The following GABRB1 variants were observed in gnomAD, a reference collection of about 807,000 sequenced individuals.
GABRB1 encodes gamma-aminobutyric acid type A receptor subunit beta1.
GABRB1 carries 17 observed loss-of-function variants against 51.6 expected under a neutral mutation model. That is an observed-to-expected ratio of 0.33 (90% CI 0.23 to 0.49). The LOEUF is 0.49. Among genes scored for constraint, GABRB1 ranks in the 20% least tolerant of loss-of-function variants. GABRB1 has a pLI of 0.99. For missense variants in GABRB1, 410 were observed against 600.6 expected (o/e 0.68, Z 3.32); for synonymous variants, 247 against 218.9 (o/e 1.13, Z -1.14).
intron 8 of GABRB1, among the ~76,000 whole-genome samples, chr4:47,424,023 C>A (rs1200756352): frequency 4.6e-5 from 7 of 152,072 alleles, no homozygotes; most frequent in Admixed American, 4.6e-4. Flanking sequence ...ATGTGGGTAG[C>A]CCAATTAGAC....
intron 3 of GABRB1, among the ~76,000 whole-genome samples, chr4:47,138,362 C>G (rs1377035738): frequency 1.3e-5 from 2 of 151,942 alleles, no homozygotes; most frequent in Non-Finnish European, 2.9e-5. Flanking sequence ...GGTATTTGTC[C>G]AGAACCCCTT....
intron 4 of GABRB1, among the ~76,000 whole-genome samples, chr4:47,307,406 T>G (rs1724510899): frequency 6.6e-6 from 1 of 152,038 alleles, no homozygotes; most frequent in Non-Finnish European, 1.5e-5. Flanking sequence ...TCTGGAGTGC[T>G]CAATTATTAA....
chr4:47,363,698 G>A (rs1340584167), intron 5 of GABRB1, among the ~76,000 whole-genome samples: 3 of 152,120 alleles, frequency 2.0e-5, no homozygotes, highest in Non-Finnish European at 2.9e-5. Flanking sequence ...TTGTATTTAG[G>A]TTAATAAGTT....
chr4:47,020,791 TA>T (rs1724906354), intron 1 of GABRB1, among the ~76,000 whole-genome samples: 1 of 152,216 alleles, frequency 6.6e-6, no homozygotes, highest in Non-Finnish European at 1.5e-5. Flanking sequence ...GTGCTTCTGT[TA>T]AAAGGCAAAT....
chr4:47,350,218 T>TATAGAGAGAG (rs750199965), intron 5 of GABRB1, among the ~76,000 whole-genome samples: 124 of 56,638 alleles, frequency 2.2e-3, no homozygotes, highest in East Asian at 6.3e-3. Flanking sequence ...TATATATATA[T>TATAGAGAGAG]AGAGAGAGAG....
At chr4:47,087,313 T>C (rs952754506) in intron 3 of GABRB1, among the ~76,000 whole-genome samples, 4 of 152,156 alleles carry the variant, frequency 2.6e-5, no homozygotes, top group Admixed American at 6.5e-5. Flanking sequence ...CCGTGAATTA[T>C]ATTTGGTGCC....
rs149201855 is a variant in GABRB1, at chr4:47,025,126, T to A, written c.-19-6788T>A. ...TATCATATATATATGTATCTCACAA[T>A]TTTTTTATCCACTCATTGATTGATG... On this transcript the variant is annotated intron_variant, in intron 1 of 3. Transcript: ENST00000513567. Among the ~76,000 whole-genome samples, 40 of 150,750 alleles carry A rather than the reference T, an allele frequency of 2.7e-4. 1 individual carries two copies. The highest frequency in any genetic ancestry group is 9.0e-4 in the African/African-American group (37 of 41,124).
intron 3 of GABRB1, among the ~76,000 whole-genome samples, chr4:47,095,607 C>A (rs1577903900): frequency 6.6e-6 from 1 of 152,322 alleles, no homozygotes; most frequent in South Asian, 2.1e-4. Context: ...CAAATTAATT[C>A]TTGATTCATA....
In GABRB1 at chr4:47,195,440, ATAGATGATAGATAGAT is replaced by A. The variant is rs1488659961; in HGVS notation, c.461+33988_461+34003del. Among the ~76,000 whole-genome samples, 371 of 107,048 alleles carry A rather than the reference ATAGATGATAGATAGAT, an allele frequency of 3.5e-3. 2 individuals are homozygous for A. Among genetic ancestry groups the A allele is most frequent in the East Asian group, 5.9e-3 (18 of 3,066 alleles). The allele number at this position is 107,048 out of a possible 152,430, so 70.2% of individuals were successfully genotyped here. ...GATAGATAGATAGATAGATAGATAG[ATAGATGATAGATAGAT>A]TAGATGATAGATAGATAGATAGATA... On this transcript the variant is annotated intron_variant, in intron 4 of 8. Transcript: ENST00000295454.
chr4:47,230,626 A>G (rs1045080415), intron 4 of GABRB1, among the ~76,000 whole-genome samples: 13 of 152,196 alleles, frequency 8.5e-5, no homozygotes, highest in African/African-American at 2.9e-4. Context: ...AATGCCTAAC[A>G]TTGAGCTTGC....
At chr4:47,262,079 C>T (rs1249002800) in intron 4 of GABRB1, among the ~76,000 whole-genome samples, 1 of 151,444 alleles carries the variant, frequency 6.6e-6, no homozygotes, top group African/African-American at 2.4e-5. Context: ...AGACCTAAAA[C>T]CATAAAAACC....
At chr4:47,327,674 T>G (rs1007317307) in intron 5 of GABRB1, among the ~76,000 whole-genome samples, 24 of 152,230 alleles carry the variant, frequency 1.6e-4, no homozygotes, top group African/African-American at 5.3e-4. Flanking sequence ...TAATGAACTA[T>G]CCACTTAATC....
intron 4 of GABRB1, among the ~76,000 whole-genome samples, chr4:47,305,077 G>A (rs767224722): frequency 1.3e-5 from 2 of 152,030 alleles, no homozygotes; most frequent in African/African-American, 4.8e-5. Flanking sequence ...GCCCTAATCT[G>A]TTTGTATTCT....
intron 3 of GABRB1, among the ~76,000 whole-genome samples, chr4:47,036,015 C>T (rs1231230091): frequency 2.0e-5 from 3 of 152,202 alleles, no homozygotes; most frequent in South Asian, 4.1e-4. Context: ...GACCTTACAT[C>T]GAATGAGTCC....
At chr4:47,111,019 C>A (rs146374993) in intron 3 of GABRB1, among the ~76,000 whole-genome samples, 15 of 152,104 alleles carry the variant, frequency 9.9e-5, no homozygotes, top group African/African-American at 3.4e-4. Context: ...ATTTTATATG[C>A]CCATAATAAC....
At chr4:47,276,326 T>C (rs1253245130) in intron 4 of GABRB1, among the ~76,000 whole-genome samples, 3 of 152,154 alleles carry the variant, frequency 2.0e-5, no homozygotes, top group Admixed American at 6.6e-5. Context: ...TCTAGCATTA[T>C]ATTGAGCTGC....
At chr4:47,150,398 A>G (rs1186196422) in intron 3 of GABRB1, among the ~76,000 whole-genome samples, 1 of 151,442 alleles carries the variant, frequency 6.6e-6, no homozygotes, top group East Asian at 2.0e-4. Flanking sequence ...AGAGAGATGT[A>G]GAAGAGATTC....
intron 8 of GABRB1, among the ~76,000 whole-genome samples, chr4:47,410,582 G>A (rs529115309): frequency 6.6e-6 from 1 of 152,296 alleles, no homozygotes; most frequent in East Asian, 1.9e-4. Flanking sequence ...GGAAATTTTA[G>A]AAGTGAGCCA....
chr4:47,052,625 A>T (rs1296475798), intron 3 of GABRB1, among the ~76,000 whole-genome samples: 1 of 152,206 alleles, frequency 6.6e-6, no homozygotes, highest in African/African-American at 2.4e-5. Context: ...CCAAGAATTC[A>T]AGATCAATGC....
Sources: allele counts gnomAD v4.1 joint callset (sites outside exome capture counted in the v4.1 genomes callset), GRCh38; gene constraint gnomAD v4.1.1; transcripts MANE v1.5; gene names NCBI Gene and HGNC (gene_info 2026-07-23, HGNC 2026-07-21).